Variants in RAB18 observed in about 807,000 individuals in gnomAD.
RAB18 encodes RAB18, member RAS oncogene family.
RAB18 carries 10 observed loss-of-function variants against 28.5 expected under a neutral mutation model. The ratio of observed to expected loss-of-function variants is 0.35; its 90% CI spans 0.22 to 0.60. The LOEUF is 0.60. RAB18 is among the 20% of genes least tolerant of loss of function. The probability of loss-of-function intolerance (pLI) is 0.78; values close to 1 mark genes in which losing one functional copy is unlikely to be tolerated. For missense variants in RAB18, 188 were observed against 244.2 expected, an observed-to-expected ratio of 0.77 and a Z score of 1.53; for synonymous variants, 93 against 86.9, an observed-to-expected ratio of 1.07 and a Z score of -0.39.
intron 2 of RAB18, among the ~76,000 whole-genome samples, chr10:27,512,078 C>T (rs1834335958): frequency 1.3e-5 from 2 of 152,014 alleles, no homozygotes. Flanking sequence ...CCATGTACCA[C>T]CATGCCCAGC....
At chr10:27,516,662 A>G (rs1044407838) in intron 2 of RAB18, among the ~76,000 whole-genome samples, 10 of 152,150 alleles carry the variant, frequency 6.6e-5, no homozygotes, top group Non-Finnish European at 1.3e-4. Flanking sequence ...CCAGCCTCCC[A>G]ACTTCTAATT....
Position 27,541,788 on chromosome 10 carries a change from T to C in RAB18, c.*3737T>C, listed in dbSNP as rs927272853. 1 of 453,826 alleles carries C rather than the reference T, an allele frequency of 2.2e-6. No individual in the cohort carries two copies. The highest frequency in any genetic ancestry group is 4.4e-6 in the Non-Finnish European group (1 of 226,744). 28.1% of individuals were successfully genotyped at this position (453,826 alleles called of 1,614,324 possible). A position where few individuals can be genotyped will look rare whatever the true frequency, so the allele number is the denominator to read the frequency against. On this transcript the variant is annotated 3_prime_UTR_variant, in exon 7 of 7. Transcript: ENST00000356940. ...ATTTCTTGTTTGTGTGTGCTGTGGC[T>C]GCCCGATCCAGCACCTACTTCCTTC...
intron 1 of RAB18, among the ~76,000 whole-genome samples, chr10:27,505,786 TTGACCTCG>T (rs2138960323): frequency 6.6e-6 from 1 of 152,204 alleles, no homozygotes; most frequent in East Asian, 1.9e-4. Context: ...TCTCCATCTT[TTGACCTCG>T]TGACCCGCCC....
In RAB18 at chr10:27,507,904, A is replaced by C. The variant is rs147364773; in HGVS notation, c.69-1971A>C. On this transcript the variant is annotated intron_variant, in intron 1 of 6. Coordinates refer to ENST00000356940, the MANE Select transcript of RAB18 (RefSeq NM_021252.5). The stretch of plus-strand genomic sequence containing the variant: ...ATAAAAATAAAAAAATTAGCCGGCC[A>C]TGGTGATGCACACCTGTCATGCCAG... Among the ~76,000 whole-genome samples the C allele has an allele frequency of 5.0e-3, 756 of 151,918 alleles. 6 individuals carry two copies. Among genetic ancestry groups the C allele is most frequent in the African/African-American group, 0.017 (702 of 41,440 alleles).
At position 27,541,870 on chromosome 10, in the gene RAB18, G is replaced by A; in HGVS notation, c.*3819G>A. 1 of 449,314 alleles carries A rather than the reference G, an allele frequency of 2.2e-6. No homozygotes were observed. The highest frequency in any genetic ancestry group is 4.4e-6 in the Non-Finnish European group (1 of 225,588). 27.8% of individuals were successfully genotyped at this position (449,314 alleles called of 1,614,324 possible). On this transcript the variant is annotated 3_prime_UTR_variant, in exon 7 of 7. Transcript: ENST00000356940. ...CAAACAATTGGCATGTGGTTTGGGT[G>A]GCATTGTCACACCCTCGGCTTTCTA...
intron 2 of RAB18, among the ~76,000 whole-genome samples, chr10:27,523,827 C>T (rs1834617763): frequency 6.6e-6 from 1 of 151,680 alleles, no homozygotes; most frequent in Non-Finnish European, 1.5e-5. Flanking sequence ...CGCCTATAAT[C>T]GCAGCACTTT....
intron 3 of RAB18, among the ~76,000 whole-genome samples, chr10:27,527,358 A>G (rs1300614601): frequency 6.6e-6 from 1 of 152,032 alleles, no homozygotes; most frequent in Non-Finnish European, 1.5e-5. Flanking sequence ...GTTTTTCCTT[A>G]CTGGCTTCTT....
At chr10:27,515,491 T>C (rs1834420007) in intron 2 of RAB18, among the ~76,000 whole-genome samples, 1 of 152,214 alleles carries the variant, frequency 6.6e-6, no homozygotes, top group Non-Finnish European at 1.5e-5. Context: ...AAATGTCTTT[T>C]GAGGGTTGGT....
chr10:27,540,094 A>G lies in RAB18; in HGVS notation c.*2043A>G, dbSNP rs543235005. On this transcript the variant is annotated 3_prime_UTR_variant, in exon 7 of 7. Transcript: ENST00000356940. ...TGGTACAAATTAGAACAATTAGAATATAGTATTTTGAGTTCTAGTAGTACT... is the reference window on the plus strand; with the variant it reads ...TGGTACAAATTAGAACAATTAGAATGTAGTATTTTGAGTTCTAGTAGTACT... 16 of 454,008 alleles carry G rather than the reference A, an allele frequency of 3.5e-5. No individual in the cohort carries two copies. The highest frequency in any genetic ancestry group is 2.1e-4 in the Admixed American group (9 of 42,566). The allele number at this position is 454,008 out of a possible 1,614,324, so 28.1% of individuals were successfully genotyped here.
chr10:27,534,032 A>T, intron 6 of RAB18, 38 bp downstream of exon 6: 3 of 1,538,940 alleles, frequency 1.9e-6, no homozygotes, highest in Non-Finnish European at 2.7e-6. Flanking sequence ...TTCATTATTA[A>T]TGAGGAATTT....
Position 27,541,559 on chromosome 10 carries a change from T to C in RAB18, c.*3508T>C, listed in dbSNP as rs1408642547. On this transcript the variant is annotated 3_prime_UTR_variant, in exon 7 of 7. Coordinates refer to ENST00000356940, the MANE Select transcript of RAB18 (RefSeq NM_021252.5). ...GTAAGCACACACACACCTACACACA[T>C]ATTTTGAATAGTCGTGTGTTCATGC... 2 of 453,870 alleles carry C rather than the reference T, an allele frequency of 4.4e-6. No homozygotes were observed. Among genetic ancestry groups the C allele is most frequent in the African/African-American group, 4.0e-5 (2 of 49,978 alleles). The allele number at this position is 453,870 out of a possible 1,614,324, so 28.1% of individuals were successfully genotyped here. A position where few individuals can be genotyped will look rare whatever the true frequency, so the allele number is the denominator to read the frequency against.
intron 2 of RAB18, among the ~76,000 whole-genome samples, chr10:27,523,039 G>A (rs1194321569): frequency 6.6e-6 from 1 of 151,374 alleles, no homozygotes; most frequent in Non-Finnish European, 1.5e-5. Flanking sequence ...CTACTTCTTC[G>A]GATTTAATTT....
At chr10:27,527,657 T>G (rs1240462206) in intron 3 of RAB18, among the ~76,000 whole-genome samples, 1 of 152,044 alleles carries the variant, frequency 6.6e-6, no homozygotes, top group African/African-American at 2.4e-5. Flanking sequence ...ATTATACATA[T>G]ATGTTTGTAA....
intron 3 of RAB18, among the ~76,000 whole-genome samples, chr10:27,529,974 A>G (rs1249669119): frequency 6.6e-6 from 1 of 152,038 alleles, no homozygotes; most frequent in African/African-American, 2.4e-5. Flanking sequence ...TTTCAACATT[A>G]AAACTTTCTT....
chr10:27,536,359 C>T (rs561048992), intron 6 of RAB18, among the ~76,000 whole-genome samples: 1 of 152,064 alleles, frequency 6.6e-6, no homozygotes, highest in African/African-American at 2.4e-5. Flanking sequence ...GCTGAAGAAG[C>T]CTGGGCAACA....
intron 1 of RAB18, among the ~76,000 whole-genome samples, chr10:27,506,301 A>G (rs1055721597): frequency 1.3e-5 from 2 of 152,050 alleles, no homozygotes; most frequent in African/African-American, 4.8e-5. Context: ...TAACTGGAGT[A>G]TATAAACAAA....
intron 1 of RAB18, among the ~76,000 whole-genome samples, chr10:27,508,278 C>T (rs1446448855): frequency 6.6e-6 from 1 of 152,206 alleles, no homozygotes; most frequent in African/African-American, 2.4e-5. Context: ...CCTCTCCTTA[C>T]AAAGTACTGT....
chr10:27,517,352 G>A (rs904901843), intron 2 of RAB18, among the ~76,000 whole-genome samples: 17 of 151,840 alleles, frequency 1.1e-4, no homozygotes, highest in Admixed American at 9.2e-4. Context: ...GACAGAGCAA[G>A]ACTCTGTCTC....
chr10:27,521,763 A>C (rs1834558255), intron 2 of RAB18, among the ~76,000 whole-genome samples: 1 of 152,136 alleles, frequency 6.6e-6, no homozygotes, highest in African/African-American at 2.4e-5. Context: ...TGCCCGGTTG[A>C]TGGGTGCACC....
Sources: gnomAD v4.1 joint callset for allele counts (sites outside exome capture counted in the v4.1 genomes callset) on GRCh38, gnomAD v4.1.1 for gene constraint, MANE v1.5 for transcripts, NCBI Gene and HGNC (gene_info 2026-07-23, HGNC 2026-07-21) for gene names.